The following QTRT2 variants were observed in gnomAD, a reference collection of about 807,000 sequenced individuals.
QTRT2 encodes queuine tRNA-ribosyltransferase accessory subunit 2, also known as queuine tRNA-ribosyltransferase domain containing 1.
A neutral mutation model predicts 44.8 loss-of-function variants in QTRT2; 32 were observed. The observed-to-expected ratio is 0.71, with a 90% CI of 0.54 to 0.96. QTRT2 has a LOEUF of 0.96. QTRT2 is among the 40% of genes least tolerant of loss of function. QTRT2 has a pLI of 0.00. For synonymous variants in QTRT2, 182 were observed against 187.4 expected (o/e 0.97, Z 0.24); for missense variants, 461 against 503.1 (o/e 0.92, Z 0.80).
At chr3:114,062,049 C>A (rs1185374962) in intron 2 of QTRT2, among the ~76,000 whole-genome samples, 13 of 149,526 alleles carry the variant, frequency 8.7e-5, no homozygotes, top group African/African-American at 3.2e-4. Context: ...CATCTCCTAG[C>A]ATGTTAAATT....
Position 114,076,821 on chromosome 3 carries a change from A to G in QTRT2, c.625A>G (p.Thr209Ala). Residue 209 changes from threonine (T) to alanine (A), a missense_variant, in exon 7 of 10, where the codon ACA becomes GCA. By Grantham distance (58) the Thr-to-Ala change is moderately conservative (BLOSUM62 0). Coordinates refer to ENST00000281273, the MANE Select transcript of QTRT2 (RefSeq NM_024638.4). ...MEERLRSARETAKRPVGGFLL... is the reference protein window; with the variant it reads ...MEERLRSAREAAKRPVGGFLL... ...AGAGAGGCTGAGGTCAGCACGAGAG[A>G]CAGCCAAGCGGCCTGTGGGTGGCTT... The G allele has an allele frequency of 6.2e-7, 1 of 1,614,214 alleles. No homozygotes were observed. The highest frequency in any genetic ancestry group is 2.2e-5 in the East Asian group (1 of 44,884).
chr3:114,065,203 G>A, intron 2 of QTRT2, 34 bp from the exon 3 acceptor site: 2 of 1,495,150 alleles, frequency 1.3e-6, no homozygotes, highest in Middle Eastern at 1.8e-4. Context: ...GTGTTGTGAA[G>A]CTCCTTCTAT....
chr3:114,057,460 T>C (rs1037130447), intron 2 of QTRT2: 5 of 152,176 alleles, frequency 3.3e-5, no homozygotes, highest in African/African-American at 1.2e-4. Flanking sequence ...AAAATAAATG[T>C]ATGTGAAGCA....
Position 114,067,981 on chromosome 3 carries a change from A to G in QTRT2, c.257-6A>G. The G allele has an allele frequency of 1.2e-6, 2 of 1,613,376 alleles. No individual in the cohort carries two copies. The highest frequency in any genetic ancestry group is 1.7e-6 in the Non-Finnish European group (2 of 1,179,554). ...CTTTCAAGGGTTCTTTTTTGTGTTT[A>G]TACAGGCATGCCAGAATCACTCTTG... On this transcript the variant is annotated splice_region_variant and splice_polypyrimidine_tract_variant and intron_variant, in intron 4 of 9. Coordinates refer to ENST00000281273, the MANE Select transcript of QTRT2 (RefSeq NM_024638.4).
At chr3:114,062,066 C>A (rs1559947243) in intron 2 of QTRT2, among the ~76,000 whole-genome samples, 1 of 150,502 alleles carries the variant, frequency 6.6e-6, no homozygotes, top group African/African-American at 2.4e-5. Context: ...AATTTACTCT[C>A]ACATAAAAGC....
At position 114,085,956 on chromosome 3, in the gene QTRT2, T is replaced by A; in HGVS notation, c.*52T>A. On this transcript the variant is annotated 3_prime_UTR_variant, in exon 10 of 10. Coordinates refer to ENST00000281273, the MANE Select transcript of QTRT2 (RefSeq NM_024638.4). ...TCACACTGAGCCTGTACCACTGTTG[T>A]AACATGGGAAGACGTGAAGAAGAAA... 1 of 1,310,894 alleles carries A rather than the reference T, an allele frequency of 7.6e-7. No homozygotes were observed. Among genetic ancestry groups the A allele is most frequent in the Non-Finnish European group, 1.1e-6 (1 of 904,606 alleles). The allele number at this position is 1,310,894 out of a possible 1,614,324, so 81.2% of individuals were successfully genotyped here. A position where few individuals can be genotyped will look rare whatever the true frequency, so the allele number is the denominator to read the frequency against.
At position 114,065,304 on chromosome 3, in the gene QTRT2, A is replaced by C; in HGVS notation, c.47A>C (p.Lys16Thr). Reference sequence around the variant, plus strand: ...GTAGTTAATGGCTGTCGCCTAGGAAAAATAAAAAACCTGGGCAAAACAGGG... The same window carrying C: ...GTAGTTAATGGCTGTCGCCTAGGAACAATAAAAAACCTGGGCAAAACAGGG... ...TKVVNGCRLG[K>T]IKNLGKTGDH... The change falls in exon 3 of 10, where the codon AAA becomes ACA. Residue 16 changes from lysine (K) to threonine (T), a missense_variant. Coordinates refer to ENST00000281273, the MANE Select transcript of QTRT2 (RefSeq NM_024638.4). The C allele has an allele frequency of 1.2e-6, 2 of 1,614,116 alleles. No individual in the cohort carries two copies. The highest frequency in any genetic ancestry group is 8.5e-7 in the Non-Finnish European group (1 of 1,180,012).
chr3:114,064,851 A>G (rs866983175), intron 2 of QTRT2, among the ~76,000 whole-genome samples: 1 of 152,218 alleles, frequency 6.6e-6, no homozygotes, highest in Non-Finnish European at 1.5e-5. Flanking sequence ...TATATCAATA[A>G]TCAGTATGGC....
rs772011331 is a variant in QTRT2 at position 114,076,911 on chromosome 3, GT to G, written c.716del (p.Val239AlafsTer41). On this transcript the variant is annotated frameshift_variant, in exon 7 of 10. Coordinates refer to ENST00000281273, the MANE Select transcript of QTRT2 (RefSeq NM_024638.4). LOFTEE classifies it high-confidence loss of function. The stretch of plus-strand genomic sequence containing the variant: ...GGCTAGACTACGCTTGCTGTCATCA[GT>G]CACTGCAGAGCTGCCGGAGGACAAG... ...LEARLRLLSS[V>X]TAELPEDKPR... The G allele has an allele frequency of 6.2e-7, 1 of 1,614,176 alleles. No individual in the cohort carries two copies.
At chr3:114,062,061 A>G (rs960367907) in intron 2 of QTRT2, among the ~76,000 whole-genome samples, 1 of 150,778 alleles carries the variant, frequency 6.6e-6, no homozygotes, top group African/African-American at 2.4e-5. Flanking sequence ...TGTTAAATTT[A>G]CTCTCACATA....
intron 4 of QTRT2, 70 bp downstream of exon 4, chr3:114,066,353 T>C (rs1327433114): frequency 2.3e-6 from 2 of 870,542 alleles, no homozygotes; most frequent in African/African-American, 1.7e-5. Context: ...TGTTACCTCT[T>C]TGATCTTTCA....
intron 7 of QTRT2, 77 bp from the exon 8 acceptor site, chr3:114,079,829 C>A: frequency 7.2e-7 from 1 of 1,397,494 alleles, no homozygotes. Context: ...TTTTTAGTGC[C>A]TTGTTCATTA....
At position 114,056,868 on chromosome 3, in the gene QTRT2, A is replaced by T; in HGVS notation, c.-130+4A>T. 6.5e-7 allele frequency: 1 copy of T among 1,535,964 alleles called. No individual in the cohort carries two copies. The highest frequency in any genetic ancestry group is 8.7e-7 in the Non-Finnish European group (1 of 1,146,792). On this transcript the variant is annotated splice_donor_region_variant and intron_variant, in intron 1 of 9. Coordinates refer to ENST00000281273, the MANE Select transcript of QTRT2 (RefSeq NM_024638.4). ...GAGTCGAATGGTTTGTTGGCAGGTA[A>T]GTGCCCCTTTGCCCTGCTGGTGTGG...
At position 114,070,665 on chromosome 3, in the gene QTRT2, A is replaced by C; in HGVS notation, c.373A>C (p.Thr125Pro). ...GAGTGTTGCAGGACGAGTGGAAATG[A>C]CTGTTTCCAAGTTCATGGCAATTCA... ...VWSVAGRVEM[T>P]VSKFMAIQKA... The change falls in exon 6 of 10, where the codon ACT (threonine) becomes CCT (proline). Residue 125 changes from threonine (T) to proline (P), a missense_variant. By Grantham distance (38) the Thr-to-Pro change is conservative (BLOSUM62 -1). Coordinates refer to ENST00000281273, the MANE Select transcript of QTRT2 (RefSeq NM_024638.4). 6.2e-7 allele frequency: 1 copy of C among 1,614,146 alleles called. No individual in the cohort carries two copies. The highest frequency in any genetic ancestry group is 8.5e-7 in the Non-Finnish European group (1 of 1,179,988).
Position 114,070,742 on chromosome 3 carries a change from T to C in QTRT2, c.450T>C (p.Ser150=). 1 of 1,614,060 alleles carries C rather than the reference T, an allele frequency of 6.2e-7. No individual in the cohort carries two copies. Among genetic ancestry groups the C allele is most frequent in the Non-Finnish European group, 8.5e-7 (1 of 1,179,992 alleles). ...AGTGCCTCTCCGATGGAGAAGTATC[T>C]TGTAAGGAAGCAACTTCCATAAAAA... ...WFQCLSDGEV[S]CKEATSIKRV... The change falls in exon 6 of 10, where the codon TCT becomes TCC. Residue 150 remains serine (S), a synonymous_variant. Transcript: ENST00000281273.
chr3:114,076,776 G>C lies in QTRT2; in HGVS notation c.580G>C (p.Glu194Gln), dbSNP rs2077096521. The C allele has an allele frequency of 6.2e-7, 1 of 1,614,088 alleles. No homozygotes were observed. The highest frequency in any genetic ancestry group is 1.7e-5 in the Admixed American group (1 of 60,010). ...LQKSVIIGVIEGGDVMEERLR... is the reference protein window; with the variant it reads ...LQKSVIIGVIQGGDVMEERLR... ...GAAGAGTGTGATCATTGGAGTGATT[G>C]AAGGTGGAGATGTGATGGAAGAGAG... The change falls in exon 7 of 10, where the codon GAA (glutamate) becomes CAA (glutamine). Residue 194 changes from glutamate (E) to glutamine (Q), a missense_variant. Glu to Gln is a conservative substitution (Grantham distance 29). Transcript: ENST00000281273.
rs199639009 is a variant in QTRT2 at position 114,065,301 on chromosome 3, G to A, written c.44G>A (p.Gly15Glu). Residue 15 changes from glycine to glutamate, a missense_variant, in exon 3 of 10, where the codon GGA (glycine) becomes GAA (glutamate). Gly to Glu is a moderately conservative substitution (Grantham distance 98). Coordinates refer to ENST00000281273, the MANE Select transcript of QTRT2 (RefSeq NM_024638.4). ...LTKVVNGCRL[G>E]KIKNLGKTGD... ...AAGGTAGTTAATGGCTGTCGCCTAG[G>A]AAAAATAAAAAACCTGGGCAAAACA... The A allele has an allele frequency of 6.2e-7, 1 of 1,614,022 alleles. No homozygotes were observed. Among genetic ancestry groups the A allele is most frequent in the African/African-American group, 1.3e-5 (1 of 74,988 alleles).
intron 5 of QTRT2, 198 bp downstream of exon 5, chr3:114,068,261 C>G (rs1409641521): frequency 1.1e-5 from 5 of 463,162 alleles, no homozygotes; most frequent in Non-Finnish European, 2.0e-5. Context: ...ATGAAGAACA[C>G]TGTATCCTCA....
rs2077257530 is a variant in QTRT2, at chr3:114,087,871, A to G, written c.*1967A>G. The G allele has an allele frequency of 1.3e-5, 2 of 152,274 alleles. No homozygotes were observed. The highest frequency in any genetic ancestry group is 2.4e-5 in the African/African-American group (1 of 41,546). The allele number at this position is 152,274 out of a possible 1,614,324, so 9.4% of individuals were successfully genotyped here. A position where few individuals can be genotyped will look rare whatever the true frequency, so the allele number is the denominator to read the frequency against. ...TGAGGGATCCACCTTTGTGCTCCAA[A>G]CACCTCCCACCAGGCCCCACCTCCA... is the stretch of plus-strand genomic sequence containing the variant. On this transcript the variant is annotated 3_prime_UTR_variant, in exon 10 of 10. Transcript: ENST00000281273.
Sources: gnomAD v4.1 joint callset for allele counts (sites outside exome capture counted in the v4.1 genomes callset) on GRCh38, gnomAD v4.1.1 for gene constraint, MANE v1.5 for transcripts, NCBI Gene and HGNC (gene_info 2026-07-23, HGNC 2026-07-21) for gene names.